Variants in PDE8B observed in about 807,000 individuals in gnomAD.
PDE8B encodes the protein high affinity cAMP-specific and IBMX-insensitive 3',5'-cyclic phosphodiesterase 8B.
Under a neutral mutation model 101.3 loss-of-function variants are expected in PDE8B, and 26 were observed. That is an observed-to-expected ratio of 0.26 (90% CI 0.19 to 0.36). The LOEUF is 0.36. Ranked by LOEUF, PDE8B falls within the 10% of genes least tolerant of loss-of-function variation. The pLI is 1.00. For missense variants in PDE8B, 810 were observed against 1,163.1 expected (o/e 0.70, Z 4.42); for synonymous variants, 424 against 429.3 (o/e 0.99, Z 0.15).
chr5:77,213,607 G>A (rs781246759), intron 1 of PDE8B, among the ~76,000 whole-genome samples: 1 of 152,146 alleles, frequency 6.6e-6, no homozygotes, highest in African/African-American at 2.4e-5. Context: ...ATAGTTGCTA[G>A]GCACGTGGTG....
chr5:77,107,017 C>A, the PDE8B span, among the ~76,000 whole-genome samples: 4 of 152,064 alleles, frequency 2.6e-5, no homozygotes, highest in Non-Finnish European at 5.9e-5. Flanking sequence ...TCGTCATTTA[C>A]ATTAGGTATA....
At chr5:77,088,012 T>A in the PDE8B span, 4 of 152,370 alleles carry the variant, frequency 2.6e-5, no homozygotes, top group Middle Eastern at 3.4e-3. Context: ...TGTCAGTGGG[T>A]GGGGAAGTGT....
At chr5:77,141,024 A>C in the PDE8B span, 1 of 152,164 alleles carries the variant, frequency 6.6e-6, no homozygotes, top group Non-Finnish European at 1.5e-5. Flanking sequence ...ACAGTAACTG[A>C]AGAGGGAATT....
At chr5:77,116,611 C>T in the PDE8B span, among the ~76,000 whole-genome samples, 1 of 152,158 alleles carries the variant, frequency 6.6e-6, no homozygotes, top group African/African-American at 2.4e-5. Context: ...GAAATTTTCA[C>T]CTGCCTCTAT....
At chr5:77,348,169 T>C (rs1450496172) in intron 7 of PDE8B, among the ~76,000 whole-genome samples, 1 of 152,194 alleles carries the variant, frequency 6.6e-6, no homozygotes, top group African/African-American at 2.4e-5. Context: ...TGTTCATGAC[T>C]GCTGCCATCA....
At chr5:77,149,057 AG>A in the PDE8B span, among the ~76,000 whole-genome samples, 16 of 152,288 alleles carry the variant, frequency 1.1e-4, no homozygotes, top group African/African-American at 3.9e-4. Flanking sequence ...ATGTGAGAGA[AG>A]GGCCTAAGTT....
chr5:77,176,552 T>A, the PDE8B span, among the ~76,000 whole-genome samples: 1 of 152,218 alleles, frequency 6.6e-6, no homozygotes, highest in Admixed American at 6.5e-5. Flanking sequence ...AGTTGGATGA[T>A]GTCATATTGA....
At chr5:77,398,277 A>C (rs1791494034) in intron 10 of PDE8B, among the ~76,000 whole-genome samples, 1 of 151,784 alleles carries the variant, frequency 6.6e-6, no homozygotes, top group Non-Finnish European at 1.5e-5. Context: ...TAAAAAAAAA[A>C]AACCTTTTTC....
At chr5:77,425,949 AT>A in intron 21 of PDE8B, 53 bp downstream of exon 21, 1 of 1,550,010 alleles carries the variant, frequency 6.5e-7, no homozygotes, top group Non-Finnish European at 8.9e-7. Context: ...CTTTACGAAT[AT>A]TATCTTTAGT....
At chr5:77,353,605 T>C (rs956583306) in intron 10 of PDE8B, among the ~76,000 whole-genome samples, 199 bp downstream of exon 10, 1 of 152,208 alleles carries the variant, frequency 6.6e-6, no homozygotes, top group East Asian at 1.9e-4. Flanking sequence ...TTATTTGTAG[T>C]GCACATCGGT....
chr5:77,103,316 C>A, the PDE8B span, among the ~76,000 whole-genome samples: 5 of 152,172 alleles, frequency 3.3e-5, no homozygotes, highest in Non-Finnish European at 7.3e-5. Context: ...CACTTCCTCC[C>A]AGAAGCTATT....
chr5:77,126,246 C>A, the PDE8B span, among the ~76,000 whole-genome samples: 1 of 151,222 alleles, frequency 6.6e-6, no homozygotes, highest in Non-Finnish European at 1.5e-5. Flanking sequence ...GTTTGTGCCA[C>A]TACATTCCAG....
intron 1 of PDE8B, among the ~76,000 whole-genome samples, chr5:77,225,887 G>A (rs28431869): frequency 1.8e-3 from 171 of 97,068 alleles, no homozygotes; most frequent in Admixed American, 5.6e-3. Flanking sequence ...CACACCCCAC[G>A]CACACATCTC....
At chr5:77,420,265 A>C (rs929561611) in intron 19 of PDE8B, among the ~76,000 whole-genome samples, 3 of 152,158 alleles carry the variant, frequency 2.0e-5, no homozygotes, top group Non-Finnish European at 4.4e-5. Flanking sequence ...GTTTTAAAAA[A>C]CAAAGAATGT....
intron 1 of PDE8B, among the ~76,000 whole-genome samples, chr5:77,262,162 A>G (rs1347178372): frequency 2.6e-5 from 4 of 151,994 alleles, no homozygotes. Context: ...TGCGTATGGG[A>G]ACAGGGGTGG....
At chr5:77,361,458 A>G (rs1008386840) in intron 10 of PDE8B, among the ~76,000 whole-genome samples, 1 of 152,058 alleles carries the variant, frequency 6.6e-6, no homozygotes, top group Admixed American at 6.5e-5. Context: ...AGTTCCTCAC[A>G]TCACTGACAA....
chr5:77,218,037 C>G (rs1057125203), intron 1 of PDE8B, among the ~76,000 whole-genome samples: 2 of 152,088 alleles, frequency 1.3e-5, no homozygotes, highest in Admixed American at 1.3e-4. Context: ...AAAAGTAGTT[C>G]CTGAAGTAGG....
chr5:77,201,226 G>C, the PDE8B span, among the ~76,000 whole-genome samples: 28 of 152,194 alleles, frequency 1.8e-4, no homozygotes, highest in African/African-American at 6.0e-4. Flanking sequence ...CTGACTGTGG[G>C]GAAGCCCAAG....
intron 1 of PDE8B, among the ~76,000 whole-genome samples, chr5:77,278,891 A>G (rs73137516): frequency 0.01 from 1,529 of 152,278 alleles, 20 homozygotes; most frequent in African/African-American, 0.035. Context: ...GCTATTTCAA[A>G]CTAGTTCATT....
Sources: allele counts gnomAD v4.1 joint callset (sites outside exome capture counted in the v4.1 genomes callset), GRCh38; gene constraint gnomAD v4.1.1; transcripts MANE v1.5; gene names NCBI Gene and HGNC (gene_info 2026-07-23, HGNC 2026-07-21).